PCDHGA1: variants seen among roughly 807,000 people sequenced by gnomAD.
The protein encoded by PCDHGA1 is protocadherin gamma subfamily A, 1.
Under a neutral mutation model 58.0 loss-of-function variants are expected in PCDHGA1, and 32 were observed. That is an observed-to-expected ratio of 0.55 (90% CI 0.42 to 0.74). PCDHGA1 has a LOEUF of 0.74. Ranked by LOEUF, PCDHGA1 falls within the 30% of genes least tolerant of loss-of-function variation. The pLI is 0.00. For missense variants in PCDHGA1, 1,205 were observed against 1,182.3 expected (o/e 1.02, Z -0.28); for synonymous variants, 498 against 501.1 (o/e 0.99, Z 0.08).
At chr5:141,346,517 G>C in intron 1 of PCDHGA1, 5 of 1,598,398 alleles carry the variant, frequency 3.1e-6, no homozygotes, top group Non-Finnish European at 4.3e-6. Flanking sequence ...TTATTATAAA[G>C]CTTTAACACA....
intron 1 of PCDHGA1, chr5:141,417,252 G>C (rs2096099745): frequency 6.6e-6 from 1 of 152,148 alleles, no homozygotes; most frequent in Admixed American, 6.5e-5. Context: ...AGTACTTCCA[G>C]CTTCATAGAT....
intron 1 of PCDHGA1, chr5:141,422,633 G>C: frequency 6.2e-7 from 1 of 1,613,120 alleles, no homozygotes; most frequent in Non-Finnish European, 8.5e-7. Context: ...AACCCCAGGG[G>C]TGCCTCCATC....
intron 1 of PCDHGA1, among the ~76,000 whole-genome samples, chr5:141,460,981 G>A (rs35435563): frequency 1.6e-4 from 20 of 121,900 alleles, no homozygotes; most frequent in African/African-American, 3.7e-4. Context: ...GTGTGTGTGT[G>A]TGTATATATA....
intron 1 of PCDHGA1, chr5:141,382,596 AATTTTCT>A (rs1778321594): frequency 3.9e-6 from 1 of 254,502 alleles, no homozygotes; most frequent in Non-Finnish European, 7.4e-6. Flanking sequence ...AAGATGAAAC[AATTTTCT>A]ATGAAATCAG....
chr5:141,366,544 G>A (rs368873957), intron 1 of PCDHGA1: 4 of 1,614,230 alleles, frequency 2.5e-6, no homozygotes, highest in Admixed American at 1.7e-5. Flanking sequence ...TGCCCGCCTC[G>A]CACTTTGTGG....
At chr5:141,346,193 C>T (rs899555613) in intron 1 of PCDHGA1, 9 of 1,613,982 alleles carry the variant, frequency 5.6e-6, no homozygotes, top group Non-Finnish European at 7.6e-6. Context: ...GGCGCTGGCA[C>T]AAGTCACGCC....
intron 1 of PCDHGA1, chr5:141,367,157 T>G (rs2149904329): frequency 6.2e-6 from 1 of 161,546 alleles, no homozygotes; most frequent in East Asian, 1.8e-4. Flanking sequence ...GGACTGATAT[T>G]TTAGTCTACC....
intron 1 of PCDHGA1, chr5:141,395,200 A>G: frequency 6.2e-7 from 1 of 1,613,768 alleles, no homozygotes; most frequent in Non-Finnish European, 8.5e-7. Flanking sequence ...ACATCCGTAG[A>G]TTTTCATGAA....
Position 141,487,226 on chromosome 5 carries a change from G to A in PCDHGA1, c.2422-7581G>A. ...TCGAGAATCTTCAGCTCCAAGGGAA[G>A]GAGAATCTCGTCTAACCCTCTACTT... is the stretch of plus-strand genomic sequence containing the variant. On this transcript the variant is annotated intron_variant, in intron 1 of 3. Transcript: ENST00000517417. This position sits in a 1 kb window ranked among gnomAD's most constrained non-coding sequence, Gnocchi z 5.0. The A allele has an allele frequency of 6.2e-7, 1 of 1,614,104 alleles. No individual in the cohort carries two copies. Among genetic ancestry groups the A allele is most frequent in the South Asian group, 1.1e-5 (1 of 91,074 alleles).
At position 141,345,176 on chromosome 5, in the gene PCDHGA1, G is replaced by A. The variant is rs765931981; in HGVS notation, c.2421+12071G>A. 5.1e-5 allele frequency: 83 copies of A among 1,613,852 alleles called. No individual in the cohort carries two copies. The highest frequency in any genetic ancestry group is 3.3e-4 in the Middle Eastern group (2 of 6,084). On this transcript the variant is annotated intron_variant, in intron 1 of 3. Transcript: ENST00000517417. ...ACCGAGATTCTGGGCAGAATGGGCA[G>A]GTTGAAGTTTTTGTCCTGGGAAATC...
chr5:141,392,268 A>G (rs2150475407), intron 1 of PCDHGA1: 1 of 152,374 alleles, frequency 6.6e-6, no homozygotes, highest in South Asian at 2.1e-4. Context: ...GACATTTACA[A>G]TAAAGCTTAG....
At chr5:141,422,963 C>A (rs372620011) in intron 1 of PCDHGA1, 1 of 1,614,120 alleles carries the variant, frequency 6.2e-7, no homozygotes, top group Non-Finnish European at 8.5e-7. Flanking sequence ...GTGGAGCTGG[C>A]GCCCCGCTCT....
intron 1 of PCDHGA1, chr5:141,423,123 A>G: frequency 1.2e-6 from 2 of 1,613,766 alleles, no homozygotes; most frequent in Non-Finnish European, 1.7e-6. Flanking sequence ...CAGCGCGGGC[A>G]CTGCTGGACA....
At chr5:141,395,431 C>T (rs929194882) in intron 1 of PCDHGA1, 19 of 702,102 alleles carry the variant, frequency 2.7e-5, no homozygotes, top group Non-Finnish European at 4.0e-5. Context: ...TGCTTTTAAA[C>T]GACTTGGAAA....
chr5:141,419,734 G>A, intron 1 of PCDHGA1: 2 of 1,613,792 alleles, frequency 1.2e-6, no homozygotes, highest in Non-Finnish European at 1.7e-6. Context: ...GAACAGGCGA[G>A]GTGCGCATGG....
At chr5:141,504,306 G>A (rs2099837315) in intron 2 of PCDHGA1, among the ~76,000 whole-genome samples, 1 of 152,076 alleles carries the variant, frequency 6.6e-6, no homozygotes, top group South Asian at 2.1e-4. Context: ...AACACTCGGA[G>A]TTTCTAAAAG....
intron 2 of PCDHGA1, among the ~76,000 whole-genome samples, chr5:141,498,039 A>G (rs2099781185): frequency 6.6e-6 from 1 of 152,264 alleles, no homozygotes; most frequent in Non-Finnish European, 1.5e-5. Flanking sequence ...CCAAATAATT[A>G]CAAAAATAAA....
rs773688197 is a variant in PCDHGA1, at chr5:141,432,412, C to T, written c.2422-62395C>T. On this transcript the variant is annotated intron_variant, in intron 1 of 3. Transcript: ENST00000517417. This position sits in a 1 kb window ranked among gnomAD's most constrained non-coding sequence, Gnocchi z 6.0. ...GCAGCAACGTGTCGTTGAGCCTGTT[C>T]GTGCTGGACCAGAACGACAATGCGC... 5 of 1,614,128 alleles carry T rather than the reference C, an allele frequency of 3.1e-6. No individual in the cohort carries two copies. The highest frequency in any genetic ancestry group is 4.5e-5 in the East Asian group (2 of 44,894).
At chr5:141,414,048 G>A in intron 1 of PCDHGA1, 1 of 1,610,508 alleles carries the variant, frequency 6.2e-7, no homozygotes, top group Non-Finnish European at 8.5e-7. Flanking sequence ...TACCTGACAC[G>A]CAATTGTTGA....
Sources: allele counts gnomAD v4.1 joint callset (sites outside exome capture counted in the v4.1 genomes callset), GRCh38; gene constraint gnomAD v4.1.1; non-coding constraint Gnocchi (gnomAD v3.1); transcripts MANE v1.5; gene names NCBI Gene and HGNC (gene_info 2026-07-23, HGNC 2026-07-21).